The following SMYD4 variants were observed in gnomAD, a reference collection of about 807,000 sequenced individuals.
SMYD4 encodes SET and MYND domain containing 4.
Under a neutral mutation model 72.8 loss-of-function variants are expected in SMYD4, and 68 were observed. The observed-to-expected ratio is 0.93, with a 90% CI of 0.77 to 1.14. SMYD4 has a LOEUF of 1.14. Among genes scored for constraint, SMYD4 ranks in the 50% most tolerant of loss-of-function variants. SMYD4 has a pLI of 0.00. For missense variants in SMYD4, 984 were observed against 1,003.7 expected (o/e 0.98, Z 0.27); for synonymous variants, 407 against 388.6 (o/e 1.05, Z -0.56).
Position 1,805,595 on chromosome 17 carries a change from T to C in SMYD4, c.280-880A>G, listed in dbSNP as rs559767419. 1.3e-4 allele frequency among the ~76,000 whole-genome samples: 19 copies of C among 151,998 alleles called. No individual in the cohort carries two copies. In the South Asian group the frequency reaches 4.0e-3, roughly 32 times the overall value. On this transcript the variant is annotated intron_variant, in intron 3 of 10. Coordinates refer to ENST00000305513, the MANE Select transcript of SMYD4 (RefSeq NM_052928.3). ...GGGAGGTCAAGGCAGGTGGATCACTTGAGGTGAGGAGTTTGAGACCTGCCT... is the reference window on the plus strand; with the variant it reads ...GGGAGGTCAAGGCAGGTGGATCACTCGAGGTGAGGAGTTTGAGACCTGCCT...
At position 1,800,696 on chromosome 17, in the gene SMYD4, G is replaced by T; in HGVS notation, c.698C>A (p.Ser233Ter). 6.2e-7 allele frequency: 1 copy of T among 1,614,230 alleles called. No homozygotes were observed. Residue 233 changes from serine to a stop codon, truncating the protein, a stop_gained, in exon 5 of 11, where the codon TCA becomes TAA. Transcript: ENST00000305513. LOFTEE classifies it high-confidence loss of function. ...AGGATCTACGCATAAGCCGATGGATGATGAGGCATTGGAAAGTTGTTCATT... is the reference window on the plus strand; with the variant it reads ...AGGATCTACGCATAAGCCGATGGATTATGAGGCATTGGAAAGTTGTTCATT... ...EENEQLSNAS[S>*]SIGLCVDPLK...
At position 1,822,106 on chromosome 17, in the gene SMYD4, T is replaced by C. The variant is rs191324375; in HGVS notation, c.134+5755A>G. On this transcript the variant is annotated intron_variant, in intron 2 of 10. Transcript: ENST00000305513. ...TATTTTAGGCATATATAGTAGTGCA[T>C]GCCTGTAATCCCAGCTACTCGGGAG... 2.4e-3 allele frequency among the ~76,000 whole-genome samples: 355 copies of C among 150,592 alleles called. 1 individual carries two copies. Among genetic ancestry groups the C allele is most frequent in the African/African-American group, 8.3e-3 (339 of 40,914 alleles).
At chr17:1,803,631 C>T (rs1018398061) in intron 4 of SMYD4, among the ~76,000 whole-genome samples, 11 of 152,000 alleles carry the variant, frequency 7.2e-5, no homozygotes, top group Non-Finnish European at 1.2e-4. Flanking sequence ...TCCTGAGTAG[C>T]TGGGATTACA....
At chr17:1,798,899 AAAAAAAAT>A (rs1249842309) in intron 5 of SMYD4, among the ~76,000 whole-genome samples, 2 of 150,720 alleles carry the variant, frequency 1.3e-5, no homozygotes, top group Non-Finnish European at 3.0e-5. Flanking sequence ...TCTGTCTCAA[AAAAAAAAT>A]AAATAAATAA....
intron 3 of SMYD4, among the ~76,000 whole-genome samples, chr17:1,810,510 C>A (rs34361585): frequency 6.6e-6 from 1 of 151,748 alleles, no homozygotes; most frequent in East Asian, 2.0e-4. Flanking sequence ...CTGGAACTCC[C>A]GGGCTCAGTG....
intron 4 of SMYD4, among the ~76,000 whole-genome samples, chr17:1,801,498 C>G (rs919612109): frequency 6.6e-6 from 1 of 151,554 alleles, no homozygotes; most frequent in African/African-American, 2.4e-5. Context: ...CCTCAGCCTC[C>G]CAAAGTGCTG....
intron 2 of SMYD4, among the ~76,000 whole-genome samples, chr17:1,823,635 TGAA>T (rs1404947727): frequency 6.6e-6 from 1 of 152,084 alleles, no homozygotes; most frequent in African/African-American, 2.4e-5. Flanking sequence ...TTTTTGAGGC[TGAA>T]GAAGGGTAGA....
intron 5 of SMYD4, among the ~76,000 whole-genome samples, chr17:1,795,322 C>T (rs1909334308): frequency 1.4e-5 from 1 of 70,422 alleles, no homozygotes; most frequent in South Asian, 3.8e-4. Flanking sequence ...CCCTGGCTAT[C>T]TATCTATCTA....
chr17:1,819,229 T>G (rs554003886), intron 2 of SMYD4, among the ~76,000 whole-genome samples: 1 of 151,926 alleles, frequency 6.6e-6, no homozygotes, highest in South Asian at 2.1e-4. Context: ...CAGTGGTGCA[T>G]GCCTGTAATC....
At chr17:1,783,616 A>C (rs1340778614) in intron 8 of SMYD4, 140 bp from the exon 9 acceptor site, 2 of 1,398,804 alleles carry the variant, frequency 1.4e-6, no homozygotes, top group East Asian at 2.5e-5. Context: ...ACCAACGCAC[A>C]ATGTCTGTTC....
At chr17:1,798,856 G>A (rs755044411) in intron 5 of SMYD4, among the ~76,000 whole-genome samples, 10 of 151,484 alleles carry the variant, frequency 6.6e-5, no homozygotes, top group Non-Finnish European at 1.2e-4. Context: ...CTGAGATTGC[G>A]CCACTGCACT....
chr17:1,783,654 T>C (rs1597363793), intron 8 of SMYD4, 178 bp from the exon 9 acceptor site: 1 of 1,177,462 alleles, frequency 8.5e-7, no homozygotes, highest in Non-Finnish European at 1.2e-6. Flanking sequence ...TCTTCTGTTT[T>C]CTCTGTCAGT....
chr17:1,826,925 C>A (rs926738290), intron 2 of SMYD4, among the ~76,000 whole-genome samples: 1 of 151,724 alleles, frequency 6.6e-6, no homozygotes, highest in South Asian at 2.1e-4. Flanking sequence ...CTGAGGCGGG[C>A]GGATCATTTG....
chr17:1,827,215 G>A (rs7216552), intron 2 of SMYD4, among the ~76,000 whole-genome samples: 12,605 of 151,594 alleles, frequency 0.083, 727 homozygotes, highest in African/African-American at 0.16. Flanking sequence ...GGTGGTGTGC[G>A]ACTGTAATCC....
intron 5 of SMYD4, among the ~76,000 whole-genome samples, chr17:1,793,991 T>C (rs1443269653): frequency 4.5e-5 from 4 of 88,670 alleles, no homozygotes; most frequent in African/African-American, 1.5e-4. Flanking sequence ...TGGCTAATTT[T>C]TGTGTATATA....
chr17:1,783,321 G>A, intron 9 of SMYD4, 39 bp downstream of exon 9: 1 of 1,611,110 alleles, frequency 6.2e-7, no homozygotes, highest in Non-Finnish European at 8.5e-7. Flanking sequence ...GCCCACAGCA[G>A]ACTGTTCCCG....
At chr17:1,822,881 C>A (rs533263418) in intron 2 of SMYD4, among the ~76,000 whole-genome samples, 2 of 152,100 alleles carry the variant, frequency 1.3e-5, no homozygotes, top group African/African-American at 4.8e-5. Context: ...AAGAATAAAT[C>A]GAACATGAAA....
In SMYD4 at chr17:1,783,792, G is replaced by C. The variant is rs542235469; in HGVS notation, c.2021-316C>G. 3 of 413,108 alleles carry C rather than the reference G, an allele frequency of 7.3e-6. No individual in the cohort carries two copies. In the East Asian group the frequency reaches 1.4e-4, roughly 20 times the overall value. 25.6% of individuals were successfully genotyped at this position (413,108 alleles called of 1,614,324 possible). On this transcript the variant is annotated intron_variant, in intron 8 of 10. Coordinates refer to ENST00000305513, the MANE Select transcript of SMYD4 (RefSeq NM_052928.3). ...CTTGACCCTGAAATCTAAGCTAAAG[G>C]TCAACTTTCATAAAGCAGGGTAAAT...
chr17:1,816,880 G>C (rs1910629429), intron 2 of SMYD4, among the ~76,000 whole-genome samples: 1 of 151,906 alleles, frequency 6.6e-6, no homozygotes, highest in South Asian at 2.1e-4. Flanking sequence ...GGAGAAATGA[G>C]TCAAGTCCTT....
Sources: gnomAD v4.1 joint callset for allele counts (sites outside exome capture counted in the v4.1 genomes callset) on GRCh38, gnomAD v4.1.1 for gene constraint, MANE v1.5 for transcripts, NCBI Gene and HGNC (gene_info 2026-07-23, HGNC 2026-07-21) for gene names.